Variants in C10orf67 observed in about 807,000 individuals in gnomAD.
The protein encoded by C10orf67 is chromosome 10 open reading frame 67.
Under a neutral mutation model 35.6 loss-of-function variants are expected in C10orf67, and 60 were observed. The observed-to-expected ratio is 1.68, with a 90% CI of 1.37 to 2.09. The LOEUF (loss-of-function observed/expected upper bound fraction) is 2.09, where lower values mean the gene tolerates loss of function less well. Ranked by LOEUF, C10orf67 falls within the 30% of genes most tolerant of loss-of-function variation. The pLI, the probability that C10orf67 is intolerant of heterozygous loss-of-function variation, is 0.00. For missense variants in C10orf67, 474 were observed against 330.2 expected, an observed-to-expected ratio of 1.44 and a Z score of -3.38; for synonymous variants, 167 against 115.8, an observed-to-expected ratio of 1.44 and a Z score of -2.84.
At chr10:23,290,007 C>T (rs1016564242) in intron 6 of C10orf67, 49 bp from the exon 7 acceptor site, 2 of 713,410 alleles carry the variant, frequency 2.8e-6, no homozygotes, top group African/African-American at 1.8e-5. Flanking sequence ...CATGCTTATG[C>T]CCCTGTATTT....
intron 4 of C10orf67, 52 bp downstream of exon 4, chr10:23,320,689 G>A (rs942241775): frequency 6.4e-5 from 88 of 1,380,758 alleles, no homozygotes; most frequent in Non-Finnish European, 8.4e-5. Flanking sequence ...CTTGCACACA[G>A]CAGCTGAAGC....
chr10:23,252,959 T>C (rs1842498929), intron 10 of C10orf67, among the ~76,000 whole-genome samples: 2 of 151,666 alleles, frequency 1.3e-5, no homozygotes, highest in African/African-American at 4.9e-5. Flanking sequence ...TCCCATGTTG[T>C]TCTCAAGATA....
intron 13 of C10orf67, among the ~76,000 whole-genome samples, chr10:23,231,900 A>T (rs187097338): frequency 6.6e-6 from 1 of 152,216 alleles, no homozygotes; most frequent in Non-Finnish European, 1.5e-5. Context: ...TCACAGAACA[A>T]TGTGTGCATT....
intron 8 of C10orf67, among the ~76,000 whole-genome samples, chr10:23,276,103 G>A (rs1346031418): frequency 6.6e-6 from 1 of 152,086 alleles, no homozygotes; most frequent in Non-Finnish European, 1.5e-5. Context: ...CAGGATGTAG[G>A]GCTTTCAGTG....
chr10:23,256,552 G>A (rs1842607317), intron 10 of C10orf67, among the ~76,000 whole-genome samples: 1 of 152,174 alleles, frequency 6.6e-6, no homozygotes, highest in African/African-American at 2.4e-5. Context: ...CACCATGCCA[G>A]CTTCAACACA....
At chr10:23,240,091 T>A (rs1016843199) in intron 12 of C10orf67, among the ~76,000 whole-genome samples, 1 of 152,038 alleles carries the variant, frequency 6.6e-6, no homozygotes. Flanking sequence ...TTCAGAAGGC[T>A]GAGGTGGGAG....
chr10:23,313,688 G>A (rs1485500705), intron 4 of C10orf67, among the ~76,000 whole-genome samples: 5 of 152,180 alleles, frequency 3.3e-5, no homozygotes, highest in African/African-American at 9.7e-5. Flanking sequence ...TTAATAACTT[G>A]AGGAGAGCTG....
In C10orf67 at chr10:23,228,119, C is replaced by A. The variant is rs1049174679; in HGVS notation, c.1435-4301G>T. Among the ~76,000 whole-genome samples, 7 of 152,238 alleles carry A rather than the reference C, an allele frequency of 4.6e-5. 1 individual carries two copies. The highest frequency in any genetic ancestry group is 1.7e-4 in the African/African-American group (7 of 41,552). Reference sequence around the variant, plus strand: ...AAGTTCATATGGAACCAAAAAAGAGCCCTCATTGCCAAGACAATCCTAAGC... The same window carrying A: ...AAGTTCATATGGAACCAAAAAAGAGACCTCATTGCCAAGACAATCCTAAGC... On this transcript the variant is annotated intron_variant, in intron 13 of 15. Coordinates refer to ENST00000636213, the MANE Select transcript of C10orf67 (RefSeq NM_001371909.1).
intron 8 of C10orf67, among the ~76,000 whole-genome samples, chr10:23,267,820 C>T (rs561212993): frequency 1.3e-5 from 2 of 151,604 alleles, no homozygotes; most frequent in Non-Finnish European, 2.9e-5. Context: ...GCAGGAGAAT[C>T]TACCCAGGAG....
chr10:23,344,380 C>G, intron 1 of C10orf67, 189 bp downstream of exon 1: 2 of 628,684 alleles, frequency 3.2e-6, no homozygotes, highest in Non-Finnish European at 5.5e-6. Flanking sequence ...GGGGCGGGCT[C>G]CCAAGCCACC....
chr10:23,257,208 G>A (rs906175059), intron 10 of C10orf67, among the ~76,000 whole-genome samples: 2 of 152,176 alleles, frequency 1.3e-5, no homozygotes, highest in Non-Finnish European at 2.9e-5. Context: ...GATACAAGGC[G>A]AGTGAACTGC....
rs12245745 is a variant in C10orf67, at chr10:23,216,783, A to G, written c.1570+6815T>C. ...AACATGCCAAATGATGTTATAAATTATTTGTACATGTATAAGAGTGTGTGT... is the reference window on the plus strand; with the variant it reads ...AACATGCCAAATGATGTTATAAATTGTTTGTACATGTATAAGAGTGTGTGT... On this transcript the variant is annotated intron_variant, in intron 15 of 15. Coordinates refer to ENST00000636213, the MANE Select transcript of C10orf67 (RefSeq NM_001371909.1). 8.8e-3 allele frequency among the ~76,000 whole-genome samples: 1,336 copies of G among 152,286 alleles called. 23 individuals carry two copies. The highest frequency in any genetic ancestry group is 0.029 in the African/African-American group (1,223 of 41,564).
At chr10:23,286,406 AAGGGGAGGGG>A (rs1235138290) in intron 7 of C10orf67, among the ~76,000 whole-genome samples, 1 of 59,060 alleles carries the variant, frequency 1.7e-5, no homozygotes, top group African/African-American at 7.2e-5. Context: ...CATAGAAGGG[AAGGGGAGGGG>A]AGGGGAGGGG....
chr10:23,319,513 A>C (rs1444330024), intron 4 of C10orf67, among the ~76,000 whole-genome samples: 4 of 152,126 alleles, frequency 2.6e-5, no homozygotes, highest in Non-Finnish European at 5.9e-5. Context: ...CTTTCTTTGG[A>C]TATATAACCA....
chr10:23,223,254 G>A (rs1211201577), intron 15 of C10orf67, among the ~76,000 whole-genome samples: 2 of 151,680 alleles, frequency 1.3e-5, no homozygotes, highest in Non-Finnish European at 2.9e-5. Flanking sequence ...TTGTATGTTT[G>A]TATTTTTTTT....
intron 1 of C10orf67, among the ~76,000 whole-genome samples, chr10:23,340,876 G>A (rs1014288413): frequency 3.9e-5 from 6 of 152,044 alleles, no homozygotes; most frequent in African/African-American, 1.4e-4. Flanking sequence ...CAAAATTAAC[G>A]TCCTAATTTA....
At chr10:23,242,095 C>T (rs1036244334) in intron 12 of C10orf67, among the ~76,000 whole-genome samples, 2 of 152,028 alleles carry the variant, frequency 1.3e-5, no homozygotes, top group Non-Finnish European at 1.5e-5. Context: ...CCTCAGCCTC[C>T]TAAGTAGCTG....
intron 13 of C10orf67, among the ~76,000 whole-genome samples, chr10:23,237,845 T>G (rs956613689): frequency 6.6e-6 from 1 of 152,336 alleles, no homozygotes; most frequent in East Asian, 1.9e-4. Context: ...AAATGCTCAA[T>G]GCCTTGACTT....
intron 1 of C10orf67, among the ~76,000 whole-genome samples, chr10:23,340,412 C>T (rs1845841717): frequency 6.6e-6 from 1 of 151,206 alleles, no homozygotes; most frequent in Non-Finnish European, 1.5e-5. Flanking sequence ...TCCACCTAGT[C>T]AGGAGGCTGA....
Sources: gnomAD v4.1 joint callset for allele counts (sites outside exome capture counted in the v4.1 genomes callset) on GRCh38, gnomAD v4.1.1 for gene constraint, MANE v1.5 for transcripts, NCBI Gene and HGNC (gene_info 2026-07-23, HGNC 2026-07-21) for gene names.